The following ROBO2 variants were observed in gnomAD, a reference collection of about 807,000 sequenced individuals.
ROBO2 encodes the protein roundabout homolog 2.
ROBO2 carries 53 observed loss-of-function variants against 160.8 expected under a neutral mutation model. That is an observed-to-expected ratio of 0.33 (90% CI 0.26 to 0.41). ROBO2 has a LOEUF of 0.41. Among genes scored for constraint, ROBO2 ranks in the 10% least tolerant of loss-of-function variants. ROBO2 has a pLI of 1.00. For missense variants in ROBO2, 1,577 were observed against 1,722.4 expected, an observed-to-expected ratio of 0.92 and a Z score of 1.49; for synonymous variants, 664 against 611.7, an observed-to-expected ratio of 1.09 and a Z score of -1.26.
At chr3:76,132,242 T>C (rs2071249593) in intron 2 of ROBO2, among the ~76,000 whole-genome samples, 2 of 152,116 alleles carry the variant, frequency 1.3e-5, no homozygotes, top group Admixed American at 1.3e-4. Context: ...TTCATTCTTC[T>C]AGGATCAAAT....
intron 2 of ROBO2, among the ~76,000 whole-genome samples, chr3:76,503,808 G>A (rs1276914346): frequency 6.6e-6 from 1 of 152,192 alleles, no homozygotes; most frequent in African/African-American, 2.4e-5. Flanking sequence ...TGAGGTTATA[G>A]GGGAGATGTT....
intron 2 of ROBO2, among the ~76,000 whole-genome samples, chr3:76,892,736 A>G (rs1443976553): frequency 1.3e-5 from 2 of 152,222 alleles, no homozygotes; most frequent in East Asian, 3.9e-4. Flanking sequence ...GATTCATTTT[A>G]GATTCATAAC....
At chr3:76,811,884 T>TCCTTCTTTCC (rs1576781044) in intron 2 of ROBO2, among the ~76,000 whole-genome samples, 1 of 145,338 alleles carries the variant, frequency 6.9e-6, no homozygotes, top group African/African-American at 2.6e-5. Context: ...CTTCCTTCCT[T>TCCTTCTTTCC]TTTTGAGATG....
At chr3:76,197,678 A>G (rs1019015369) in intron 2 of ROBO2, among the ~76,000 whole-genome samples, 18 of 152,308 alleles carry the variant, frequency 1.2e-4, no homozygotes, top group African/African-American at 4.3e-4. Flanking sequence ...AACATATGTG[A>G]AAGTTACAGT....
chr3:77,567,145 G>T (rs759896417), intron 12 of ROBO2, among the ~76,000 whole-genome samples: 2 of 151,184 alleles, frequency 1.3e-5, no homozygotes, highest in Admixed American at 6.6e-5. Flanking sequence ...AATTATTTAC[G>T]ACCCAATTTA....
At chr3:77,008,740 G>C (rs1193455049) in intron 2 of ROBO2, among the ~76,000 whole-genome samples, 1 of 152,118 alleles carries the variant, frequency 6.6e-6, no homozygotes, top group Non-Finnish European at 1.5e-5. Context: ...GAAAATTAGA[G>C]ACTTGTTTCA....
chr3:76,962,535 G>A (rs2079744851), intron 2 of ROBO2, among the ~76,000 whole-genome samples: 1 of 151,764 alleles, frequency 6.6e-6, no homozygotes, highest in Admixed American at 6.6e-5. Context: ...CTACTCGAGA[G>A]GCTGAGGCAG....
chr3:75,966,321 A>G (rs1165472377), intron 2 of ROBO2, among the ~76,000 whole-genome samples: 2 of 151,750 alleles, frequency 1.3e-5, no homozygotes, highest in Non-Finnish European at 2.9e-5. Context: ...TCATGAATTA[A>G]TTTGTGCATG....
intron 2 of ROBO2, among the ~76,000 whole-genome samples, chr3:75,947,106 G>A (rs1948331203): frequency 6.6e-6 from 1 of 152,122 alleles, no homozygotes; most frequent in Non-Finnish European, 1.5e-5. Flanking sequence ...TAGGGACATG[G>A]GGGATTATGG....
rs146514380 is a variant in ROBO2, at chr3:76,282,463, A to G, written c.109+344861A>G. ...ATGAAATTTGAAATCCAATAATACTAAAATTGTTTATTTTTTTCTAAAAAA... is the reference window on the plus strand; with the variant it reads ...ATGAAATTTGAAATCCAATAATACTGAAATTGTTTATTTTTTTCTAAAAAA... On this transcript the variant is annotated intron_variant, in intron 2 of 26. Transcript: ENST00000487694. Among the ~76,000 whole-genome samples, 265 of 152,166 alleles carry G rather than the reference A, an allele frequency of 1.7e-3. 2 individuals carry two copies. The highest frequency in any genetic ancestry group is 6.0e-3 in the African/African-American group (248 of 41,544).
chr3:76,862,435 A>G lies in ROBO2; in HGVS notation c.110-235579A>G, dbSNP rs561551632. 3.9e-5 allele frequency among the ~76,000 whole-genome samples: 6 copies of G among 152,272 alleles called. No individual in the cohort carries two copies. In the South Asian group the frequency reaches 1.2e-3, roughly 32 times the overall value. On this transcript the variant is annotated intron_variant, in intron 2 of 26. Coordinates refer to the ROBO2 transcript ENST00000487694. ...CGTTTTATGCCACACAGGAATTTTCATAAGGAAATAAGAATCCAAATAAAT... is the reference window on the plus strand; with the variant it reads ...CGTTTTATGCCACACAGGAATTTTCGTAAGGAAATAAGAATCCAAATAAAT...
intron 19 of ROBO2, among the ~76,000 whole-genome samples, chr3:77,601,297 TA>T (rs2094425188): frequency 6.6e-6 from 1 of 152,136 alleles, no homozygotes; most frequent in South Asian, 2.1e-4. Flanking sequence ...ATATAATAAT[TA>T]GATTCATTTT....
At chr3:76,443,839 TCTG>T (rs537329027) in intron 2 of ROBO2, among the ~76,000 whole-genome samples, 11 of 152,302 alleles carry the variant, frequency 7.2e-5, no homozygotes, top group African/African-American at 2.2e-4. Flanking sequence ...TTTGAAAACT[TCTG>T]CTGGTCTTTT....
chr3:77,383,023 C>G (rs2073710200), intron 2 of ROBO2, among the ~76,000 whole-genome samples: 1 of 152,110 alleles, frequency 6.6e-6, no homozygotes, highest in Non-Finnish European at 1.5e-5. Flanking sequence ...TTACAAGTAT[C>G]TGCAAGTTTC....
At chr3:76,176,332 G>A (rs923079391) in intron 2 of ROBO2, among the ~76,000 whole-genome samples, 4 of 151,706 alleles carry the variant, frequency 2.6e-5, no homozygotes, top group South Asian at 2.1e-4. Flanking sequence ...GTATTATTAT[G>A]CAGAAAACAT....
intron 5 of ROBO2, among the ~76,000 whole-genome samples, chr3:77,508,008 A>G (rs2088819598): frequency 6.6e-6 from 1 of 151,968 alleles, no homozygotes. Flanking sequence ...AAAATAATGA[A>G]ATACTCCTTT....
intron 2 of ROBO2, among the ~76,000 whole-genome samples, chr3:76,307,385 C>A (rs2071380950): frequency 6.6e-6 from 1 of 152,160 alleles, no homozygotes. Flanking sequence ...CCTAACCATT[C>A]TTTATGGCCT....
At chr3:77,513,224 G>A (rs2089621820) in intron 5 of ROBO2, among the ~76,000 whole-genome samples, 1 of 151,582 alleles carries the variant, frequency 6.6e-6, no homozygotes, top group South Asian at 2.1e-4. Flanking sequence ...TGTGTTCATT[G>A]TGGAAGGCTT....
chr3:76,461,781 G>A lies in ROBO2; in HGVS notation c.109+524179G>A, dbSNP rs575515216. ...TTAAAGTAAATAAATTAATATTGTT[G>A]CCCCAAATCCTAAGCCCATCCTTTT... On this transcript the variant is annotated intron_variant, in intron 2 of 26. Transcript: ENST00000487694. Among the ~76,000 whole-genome samples the A allele has an allele frequency of 3.2e-4, 48 of 152,150 alleles. No homozygotes were observed. In the South Asian group the frequency reaches 5.8e-3, roughly 18 times the overall value.
Sources: allele counts gnomAD v4.1 joint callset (sites outside exome capture counted in the v4.1 genomes callset), GRCh38; gene constraint gnomAD v4.1.1; transcripts MANE v1.5; gene names NCBI Gene and HGNC (gene_info 2026-07-23, HGNC 2026-07-21).